The following BAZ1A variants were observed in gnomAD, a reference collection of about 807,000 sequenced individuals.
BAZ1A encodes the protein bromodomain adjacent to zinc finger domain 1A.
Under a neutral mutation model 185.2 loss-of-function variants are expected in BAZ1A, and 50 were observed. The ratio of observed to expected loss-of-function variants is 0.27; its 90% confidence interval spans 0.22 to 0.34. The LOEUF (loss-of-function observed/expected upper bound fraction) is 0.34. BAZ1A is among the 10% of genes least tolerant of loss of function. The pLI, the probability that BAZ1A is intolerant of heterozygous loss-of-function variation, is 1.00. For missense variants in BAZ1A, 1,356 were observed against 1,839.9 expected (o/e 0.74, Z 4.81); for synonymous variants, 571 against 615.6 (o/e 0.93, Z 1.07).
intron 24 of BAZ1A, among the ~76,000 whole-genome samples, chr14:34,760,348 A>T (rs1164115300): frequency 1.3e-5 from 2 of 152,224 alleles, no homozygotes; most frequent in Non-Finnish European, 2.9e-5. Flanking sequence ...CAAAATTAGG[A>T]TACTTCCCCT....
chr14:34,831,681 A>G (rs1410096242), intron 3 of BAZ1A, among the ~76,000 whole-genome samples: 5 of 152,198 alleles, frequency 3.3e-5, no homozygotes, highest in African/African-American at 4.8e-5. Flanking sequence ...AATGTATACT[A>G]TATGGGTCAA....
At chr14:34,863,508 A>G (rs1175267235) in intron 2 of BAZ1A, among the ~76,000 whole-genome samples, 1 of 151,654 alleles carries the variant, frequency 6.6e-6, no homozygotes, top group Non-Finnish European at 1.5e-5. Flanking sequence ...GGGTTTCCTC[A>G]TGTTGGCCAG....
At chr14:34,770,619 A>C (rs1879148599) in intron 21 of BAZ1A, among the ~76,000 whole-genome samples, 1 of 152,268 alleles carries the variant, frequency 6.6e-6, no homozygotes, top group Non-Finnish European at 1.5e-5. Flanking sequence ...ACAGGGAATT[A>C]GAGACAGTTA....
chr14:34,869,050 C>G (rs1437560159), intron 2 of BAZ1A, among the ~76,000 whole-genome samples: 1 of 150,350 alleles, frequency 6.7e-6, no homozygotes, highest in African/African-American at 2.4e-5. Context: ...ACTAAAAATA[C>G]AAAAAAATTA....
In BAZ1A at chr14:34,826,175, T is replaced by C; in HGVS notation, c.393-19A>G. ...CTGCAACCTGAAATAAAATGATACA[T>C]TTAAAAATGCAAATCATTTCATATT... On this transcript the variant is annotated intron_variant, in intron 3 of 26. Coordinates refer to ENST00000360310, the MANE Select transcript of BAZ1A (RefSeq NM_013448.3). 1.2e-6 allele frequency: 2 copies of C among 1,603,394 alleles called. No individual in the cohort carries two copies. The highest frequency in any genetic ancestry group is 8.5e-7 in the Non-Finnish European group (1 of 1,176,430).
intron 4 of BAZ1A, among the ~76,000 whole-genome samples, chr14:34,812,296 G>A (rs930337357): frequency 2.6e-5 from 4 of 151,956 alleles, no homozygotes; most frequent in Non-Finnish European, 5.9e-5. Flanking sequence ...TTTTAAAAAA[G>A]AGAAAAAAAG....
rs769407592 is a variant in BAZ1A at position 34,753,582 on chromosome 14, G to A, written c.4597C>T (p.Leu1533Phe). ...TTACTGGGTGTGACGTGGAGTCCAA[G>A]CTTTTGAGCCTGAATATGAAAAAAT... ...QAFFHIQAQK[L>F]GLHVTPSNVD... Residue 1533 changes from leucine (L) to phenylalanine (F), a missense_variant, in exon 27 of 27, where the codon CTT (leucine) becomes TTT (phenylalanine). Transcript: ENST00000360310. The A allele has an allele frequency of 1.2e-6, 2 of 1,614,096 alleles. No homozygotes were observed. Among genetic ancestry groups the A allele is most frequent in the Non-Finnish European group, 1.7e-6 (2 of 1,180,018 alleles).
chr14:34,808,167 C>A (rs1464644809), intron 5 of BAZ1A, among the ~76,000 whole-genome samples: 4 of 151,634 alleles, frequency 2.6e-5, no homozygotes, highest in Non-Finnish European at 4.4e-5. Context: ...AATTAGATTA[C>A]CCCTACAAGT....
intron 6 of BAZ1A, among the ~76,000 whole-genome samples, chr14:34,805,434 A>T (rs1226213198): frequency 6.6e-6 from 1 of 152,198 alleles, no homozygotes; most frequent in African/African-American, 2.4e-5. Context: ...CAGTTGGGTC[A>T]TCTTTGCTCA....
At chr14:34,813,973 G>T (rs1246815724) in intron 4 of BAZ1A, among the ~76,000 whole-genome samples, 1 of 151,490 alleles carries the variant, frequency 6.6e-6, no homozygotes, top group Admixed American at 6.6e-5. Flanking sequence ...AACCCAGAAG[G>T]CAGAGGTTGC....
rs185221503 is a variant in BAZ1A, at chr14:34,788,420, C to T, written c.1511-2199G>A. Among the ~76,000 whole-genome samples the T allele has an allele frequency of 6.9e-3, 1,048 of 152,338 alleles. 12 individuals are homozygous for T. The highest frequency in any genetic ancestry group is 0.024 in the African/African-American group (1,007 of 41,566). Reference sequence around the variant, plus strand: ...CCGGGCTCAAGCCATCCTCCCACCTCGGCCTCCCCAGTAGCTGGGACTACA... The same window carrying T: ...CCGGGCTCAAGCCATCCTCCCACCTTGGCCTCCCCAGTAGCTGGGACTACA... On this transcript the variant is annotated intron_variant, in intron 12 of 26. Transcript: ENST00000360310.
intron 2 of BAZ1A, among the ~76,000 whole-genome samples, chr14:34,873,046 TA>T (rs2042978448): frequency 6.6e-6 from 1 of 151,820 alleles, no homozygotes; most frequent in African/African-American, 2.4e-5. Flanking sequence ...CACTCCTACT[TA>T]AAAGTACTGT....
chr14:34,800,584 A>AGT (rs1175661512), intron 8 of BAZ1A, among the ~76,000 whole-genome samples, 194 bp from the exon 9 acceptor site: 2 of 152,206 alleles, frequency 1.3e-5, no homozygotes, highest in African/African-American at 4.8e-5. Flanking sequence ...GACAAACTAC[A>AGT]GTACTGGGAC....
intron 3 of BAZ1A, among the ~76,000 whole-genome samples, chr14:34,860,365 G>T (rs920600765): frequency 4.0e-5 from 6 of 151,636 alleles, no homozygotes; most frequent in Non-Finnish European, 8.8e-5. Context: ...AAAATGAGTT[G>T]GACATGGTGG....
chr14:34,825,943 A>AC, intron 4 of BAZ1A, 70 bp downstream of exon 4: 1 of 1,422,962 alleles, frequency 7.0e-7, no homozygotes, highest in Non-Finnish European at 9.3e-7. Flanking sequence ...ATCTCAAAAA[A>AC]AAAGTTATTT....
At chr14:34,852,199 C>T (rs1054299550) in intron 3 of BAZ1A, among the ~76,000 whole-genome samples, 1 of 152,030 alleles carries the variant, frequency 6.6e-6, no homozygotes, top group African/African-American at 2.4e-5. Flanking sequence ...CTATGTCTGT[C>T]CACTATATAG....
chr14:34,869,208 A>G (rs1208962160), intron 2 of BAZ1A, among the ~76,000 whole-genome samples: 1 of 151,686 alleles, frequency 6.6e-6, no homozygotes, highest in Non-Finnish European at 1.5e-5. Flanking sequence ...CTCCGTCTCA[A>G]AATAAATAAA....
chr14:34,805,033 C>T (rs1881780484), intron 6 of BAZ1A, among the ~76,000 whole-genome samples: 1 of 152,100 alleles, frequency 6.6e-6, no homozygotes, highest in African/African-American at 2.4e-5. Context: ...AGCAGGCTTC[C>T]CCCTTGCTGT....
At chr14:34,844,391 C>T (rs916457340) in intron 3 of BAZ1A, among the ~76,000 whole-genome samples, 5 of 152,014 alleles carry the variant, frequency 3.3e-5, no homozygotes, top group African/African-American at 1.2e-4. Context: ...CAAATGGAAA[C>T]ATATTCTGTG....
Sources: allele counts gnomAD v4.1 joint callset (sites outside exome capture counted in the v4.1 genomes callset), GRCh38; gene constraint gnomAD v4.1.1; transcripts MANE v1.5; gene names NCBI Gene and HGNC (gene_info 2026-07-23, HGNC 2026-07-21).